ZNF316: variants seen among roughly 807,000 people sequenced by gnomAD.
ZNF316 encodes the protein zinc finger protein 316.
Under a neutral mutation model 75.6 loss-of-function variants are expected in ZNF316, and 23 were observed. The observed-to-expected ratio is 0.30, with a 90% CI of 0.22 to 0.43. The LOEUF (loss-of-function observed/expected upper bound fraction) is 0.43, where lower values mean the gene tolerates loss of function less well. ZNF316 is among the 20% of genes least tolerant of loss of function. The probability of loss-of-function intolerance (pLI) is 1.00; values close to 1 mark genes in which losing one functional copy is unlikely to be tolerated. For missense variants in ZNF316, 1,266 were observed against 1,409.4 expected, an observed-to-expected ratio of 0.90 and a Z score of 1.63; for synonymous variants, 827 against 666.2, an observed-to-expected ratio of 1.24 and a Z score of -3.72.
rs6962444 is a variant in ZNF316 at position 6,650,706 on chromosome 7, G to A, written c.707-1597G>A. ...ACGGCTGAAATGGGCAGGGGACCCA[G>A]GTGGGGTGAGGAGGAGATTTCCACA... On this transcript the variant is annotated intron_variant, in intron 8 of 8. Coordinates refer to ENST00000382252, the MANE Select transcript of ZNF316 (RefSeq NM_001278559.2). 1.5e-3 allele frequency among the ~76,000 whole-genome samples: 235 copies of A among 152,304 alleles called. 1 individual carries two copies. The highest frequency in any genetic ancestry group is 5.3e-3 in the African/African-American group (222 of 41,562).
At chr7:6,644,371 T>G in intron 7 of ZNF316, 109 bp from the exon 8 acceptor site, 1 of 514,826 alleles carries the variant, frequency 1.9e-6, no homozygotes, top group South Asian at 1.0e-4. Flanking sequence ...GGAGGGCTGG[T>G]GCTGGGAAGA....
Position 6,642,639 on chromosome 7 carries a change from T to C in ZNF316, c.230T>C (p.Val77Ala). Residue 77 changes from valine (V) to alanine (A), a missense_variant, in exon 5 of 9, where the codon GTG becomes GCG. Physicochemically the swap from Val to Ala is moderately conservative, Grantham distance 64. Around this residue, in one of 3 missense-constraint regions of ZNF316, gnomAD observed 961 missense variants for 990.9 expected, o/e 0.97. Coordinates refer to ENST00000382252, the MANE Select transcript of ZNF316 (RefSeq NM_001278559.2). The surrounding 1 kb of genome is among the most constrained non-coding windows in gnomAD (Gnocchi z 8.1). ...AQVEAVAEVEVEADVEEEDVK... is the reference protein window; with the variant it reads ...AQVEAVAEVEAEADVEEEDVK... Reference sequence around the variant, plus strand: ...GTGGAGGCGGTGGCCGAGGTGGAGGTGGAGGCGGACGTGGAGGAGGAGGAT... The same window carrying C: ...GTGGAGGCGGTGGCCGAGGTGGAGGCGGAGGCGGACGTGGAGGAGGAGGAT... 1.6e-6 allele frequency: 2 copies of C among 1,233,280 alleles called. No individual in the cohort carries two copies. The highest frequency in any genetic ancestry group is 2.0e-6 in the Non-Finnish European group (2 of 989,504). 76.4% of individuals were successfully genotyped at this position (1,233,280 alleles called of 1,614,324 possible).
intron 8 of ZNF316, 96 bp from the exon 9 acceptor site, chr7:6,652,207 G>C: frequency 8.6e-7 from 1 of 1,161,190 alleles, no homozygotes; most frequent in Non-Finnish European, 1.1e-6. Flanking sequence ...TGCTGGTGGC[G>C]TCTCGGAAGC....
Position 6,639,234 on chromosome 7 carries a change from T to C in ZNF316, c.-167+93T>C, listed in dbSNP as rs1779272149. On this transcript the variant is annotated intron_variant, in intron 3 of 8. Transcript: ENST00000382252. The surrounding 1 kb of genome is among the most constrained non-coding windows in gnomAD (Gnocchi z 4.2). ...GGACAGTAGGGCCAAAATGCTGAGT[T>C]TGAAAAATCCTGTGTCCATCACATT... is the stretch of plus-strand genomic sequence containing the variant. 6.6e-6 allele frequency: 1 copy of C among 152,260 alleles called. No individual in the cohort carries two copies. The highest frequency in any genetic ancestry group is 2.4e-5 in the African/African-American group (1 of 41,442). The allele number at this position is 152,260 out of a possible 1,614,324, so 9.4% of individuals were successfully genotyped here.
At chr7:6,644,744 C>A (rs920074719) in intron 8 of ZNF316, among the ~76,000 whole-genome samples, 151 bp downstream of exon 8, 6 of 152,204 alleles carry the variant, frequency 3.9e-5, no homozygotes, top group Admixed American at 6.5e-5. Context: ...GGTTCAAGTT[C>A]CAGAAAGGTC....
At position 6,654,188 on chromosome 7, in the gene ZNF316, C is replaced by T. The variant is rs1005245802; in HGVS notation, c.2592C>T (p.Cys864=). 4 of 1,223,138 alleles carry T rather than the reference C, an allele frequency of 3.3e-6. No individual in the cohort carries two copies. Among genetic ancestry groups the T allele is most frequent in the Admixed American group, 4.3e-5 (1 of 23,214 alleles). 75.8% of individuals were successfully genotyped at this position (1,223,138 alleles called of 1,614,324 possible). ...AGAAGCCCTTCCGCTGCGCCGACTG[C>T]GGCCGCGGCTTCGCGCAGCGCTCCA... ...TGEKPFRCAD[C]GRGFAQRSNL... Residue 864 remains cysteine (C), a synonymous_variant, in exon 9 of 9, where the codon TGC becomes TGT. Coordinates refer to ENST00000382252, the MANE Select transcript of ZNF316 (RefSeq NM_001278559.2).
chr7:6,653,070 C>G lies in ZNF316; in HGVS notation c.1474C>G (p.Gln492Glu). 8.3e-7 allele frequency: 1 copy of G among 1,208,660 alleles called. No individual in the cohort carries two copies. Among genetic ancestry groups the G allele is most frequent in the Non-Finnish European group, 1.0e-6 (1 of 973,688 alleles). 74.9% of individuals were successfully genotyped at this position (1,208,660 alleles called of 1,614,324 possible). ...CCCGCACTGCTGTCCCGACTGCGGC[C>G]AGGCCTTCCGCCTGCGCGCCGACTT... Reference protein sequence around the residue: ...DRPHCCPDCGQAFRLRADFQR... With the variant: ...DRPHCCPDCGEAFRLRADFQR... Residue 492 changes from glutamine to glutamate, a missense_variant, in exon 9 of 9, where the codon CAG (glutamine) becomes GAG (glutamate). By Grantham distance (29) the Gln-to-Glu change is conservative (BLOSUM62 2). Transcript: ENST00000382252.
chr7:6,642,499 AGAG>A lies in ZNF316; in HGVS notation c.105_107del (p.Glu36del), dbSNP rs1180920056. ...CAGAGTGCGACCCTGACCAGGAAGA[AGAG>A]GAGGAGGAGGAGGAAAAGGGGGAAG... On this transcript the variant is annotated inframe_deletion, in exon 5 of 9. Coordinates refer to ENST00000382252, the MANE Select transcript of ZNF316 (RefSeq NM_001278559.2). The surrounding 1 kb of genome is among the most constrained non-coding windows in gnomAD (Gnocchi z 8.1). 92 of 1,231,516 alleles carry A rather than the reference AGAG, an allele frequency of 7.5e-5. No individual in the cohort carries two copies. Among genetic ancestry groups the A allele is most frequent in the Middle Eastern group, 3.0e-4 (1 of 3,382 alleles). The allele number at this position is 1,231,516 out of a possible 1,614,324, so 76.3% of individuals were successfully genotyped here.
intron 8 of ZNF316, among the ~76,000 whole-genome samples, chr7:6,646,359 G>A (rs1180977758): frequency 1.3e-5 from 2 of 152,208 alleles, no homozygotes; most frequent in African/African-American, 4.8e-5. Flanking sequence ...GGAAGAGAAG[G>A]GGACACAGAC....
Position 6,656,630 on chromosome 7 carries a change from C to T in ZNF316, c.*2019C>T, listed in dbSNP as rs1025162029. Reference sequence around the variant, plus strand: ...CCGTGCTGCCCATGCCCACCGTATTCCTTGGTGGCCCCCACGCTGCCCCAC... The same window carrying T: ...CCGTGCTGCCCATGCCCACCGTATTTCTTGGTGGCCCCCACGCTGCCCCAC... On this transcript the variant is annotated 3_prime_UTR_variant, in exon 9 of 9. Coordinates refer to ENST00000382252, the MANE Select transcript of ZNF316 (RefSeq NM_001278559.2). Among the ~76,000 whole-genome samples, 84 of 152,240 alleles carry T rather than the reference C, an allele frequency of 5.5e-4. No individual in the cohort carries two copies. Among genetic ancestry groups the T allele is most frequent in the African/African-American group, 2.0e-3 (82 of 41,462 alleles).
intron 8 of ZNF316, among the ~76,000 whole-genome samples, chr7:6,646,675 C>T (rs1415911852): frequency 6.6e-6 from 1 of 152,066 alleles, no homozygotes. Flanking sequence ...AGCCTGTGTA[C>T]TGAGTGGCTA....
rs1779659536 is a variant in ZNF316 at position 6,658,253 on chromosome 7, T to C, written c.*3642T>C. Among the ~76,000 whole-genome samples, 1 of 152,142 alleles carries C rather than the reference T, an allele frequency of 6.6e-6. No individual in the cohort carries two copies. The highest frequency in any genetic ancestry group is 2.4e-5 in the African/African-American group (1 of 41,428). ...AAGTATTTTGAATTACTGGGTTATA[T>C]CTATTAAATAAAGCTTTATGATCTT... is the stretch of plus-strand genomic sequence containing the variant. On this transcript the variant is annotated 3_prime_UTR_variant, in exon 9 of 9. Transcript: ENST00000382252.
In ZNF316 at chr7:6,653,938, G is replaced by A; in HGVS notation, c.2342G>A (p.Gly781Asp). ...GEKPFVCGVCGAGFSRRAHLT... is the reference protein window; with the variant it reads ...GEKPFVCGVCDAGFSRRAHLT... ...AAGCCGTTCGTGTGCGGCGTGTGCG[G>A]TGCGGGGTTCAGCCGTCGCGCGCAC... Residue 781 changes from glycine (G) to aspartate (D), a missense_variant, in exon 9 of 9, where the codon GGT becomes GAT. Physicochemically the swap from Gly to Asp is moderately conservative, Grantham distance 94 (BLOSUM62 -1). Coordinates refer to ENST00000382252, the MANE Select transcript of ZNF316 (RefSeq NM_001278559.2). 8.7e-7 allele frequency: 1 copy of A among 1,150,256 alleles called. No individual in the cohort carries two copies. The allele number at this position is 1,150,256 out of a possible 1,614,324, so 71.3% of individuals were successfully genotyped here. A position where few individuals can be genotyped will look rare whatever the true frequency, so the allele number is the denominator to read the frequency against.
Position 6,653,519 on chromosome 7 carries a change from C to T in ZNF316, c.1923C>T (p.Ser641=), listed in dbSNP as rs1262800249. The T allele has an allele frequency of 2.5e-6, 3 of 1,219,978 alleles. No individual in the cohort carries two copies. Among genetic ancestry groups the T allele is most frequent in the African/African-American group, 1.6e-5 (1 of 63,738 alleles). The allele number at this position is 1,219,978 out of a possible 1,614,324, so 75.6% of individuals were successfully genotyped here. ...PLPAPLGGPL[S]LVEGTGLACD... is the part of the protein sequence containing the mutation. ...CGGCGCCCCTGGGGGGCCCGCTCTC[C>T]CTGGTGGAGGGTACCGGGCTGGCGT... The change falls in exon 9 of 9, where the codon TCC becomes TCT. Residue 641 remains serine (S), a synonymous_variant. Transcript: ENST00000382252.
rs1779332267 is a variant in ZNF316, at chr7:6,642,699, C to A, written c.290C>A (p.Ala97Glu). 12 of 1,234,130 alleles carry A rather than the reference C, an allele frequency of 9.7e-6. No individual in the cohort carries two copies. Among genetic ancestry groups the A allele is most frequent in the Non-Finnish European group, 1.2e-5 (12 of 989,436 alleles). The allele number at this position is 1,234,130 out of a possible 1,614,324, so 76.4% of individuals were successfully genotyped here. The stretch of plus-strand genomic sequence containing the variant: ...GTGCTGGCAGAGGAGGAGTGTCCGG[C>A]GTTGGGGACCCAGGAGCGACTTAGC... ...KEVLAEEECPALGTQERLSRG... is the reference protein window; with the variant it reads ...KEVLAEEECPELGTQERLSRG... The change falls in exon 5 of 9, where the codon GCG (alanine) becomes GAG (glutamate). Residue 97 changes from alanine to glutamate, a missense_variant. Around this residue, in one of 3 missense-constraint regions of ZNF316, gnomAD observed 961 missense variants for 990.9 expected, o/e 0.97. Transcript: ENST00000382252. This position sits in a 1 kb window ranked among gnomAD's most constrained non-coding sequence, Gnocchi z 8.1.
chr7:6,641,489 C>T (rs911466143), intron 3 of ZNF316, among the ~76,000 whole-genome samples: 5 of 152,210 alleles, frequency 3.3e-5, no homozygotes, highest in African/African-American at 1.2e-4. Context: ...TGGGGAGGGG[C>T]GAGGGGTCCC....
chr7:6,651,482 C>G (rs1463353109), intron 8 of ZNF316, among the ~76,000 whole-genome samples: 1 of 152,170 alleles, frequency 6.6e-6, no homozygotes, highest in Non-Finnish European at 1.5e-5. Flanking sequence ...TGGCGAAACT[C>G]CATCTCTACT....
intron 8 of ZNF316, among the ~76,000 whole-genome samples, chr7:6,645,904 G>T (rs1779393048): frequency 6.8e-6 from 1 of 146,486 alleles, no homozygotes; most frequent in Non-Finnish European, 1.5e-5. Context: ...TGAGGCAGAA[G>T]AATCACTTGA....
At chr7:6,645,841 A>C (rs1218267358) in intron 8 of ZNF316, among the ~76,000 whole-genome samples, 1 of 150,130 alleles carries the variant, frequency 6.7e-6, no homozygotes, top group South Asian at 2.1e-4. Flanking sequence ...TAAAAATACA[A>C]AAATTAGCTG....
Sources: allele counts gnomAD v4.1 joint callset (sites outside exome capture counted in the v4.1 genomes callset), GRCh38; gene constraint gnomAD v4.1.1; regional missense constraint gnomAD v4.1.1; non-coding constraint Gnocchi (gnomAD v3.1); transcripts MANE v1.5; gene names NCBI Gene and HGNC (gene_info 2026-07-23, HGNC 2026-07-21).